FBXL7: variants seen among roughly 807,000 people sequenced by gnomAD.
The protein encoded by FBXL7 is F-box and leucine rich repeat protein 7, also known as F-box/LRR-repeat protein 7.
FBXL7 carries 12 observed loss-of-function variants against 38.3 expected under a neutral mutation model. The ratio of observed to expected loss-of-function variants is 0.31; its 90% CI spans 0.20 to 0.51. The LOEUF (loss-of-function observed/expected upper bound fraction) is 0.51, where lower values mean the gene tolerates loss of function less well. Ranked by LOEUF, FBXL7 falls within the 20% of genes least tolerant of loss-of-function variation. The pLI is 0.98. For missense variants in FBXL7, 567 were observed against 676.4 expected (o/e 0.84, Z 1.79); for synonymous variants, 297 against 300.9 (o/e 0.99, Z 0.13).
chr5:15,787,025 AG>A, intron 2 of FBXL7, among the ~76,000 whole-genome samples: 1 of 152,336 alleles, frequency 6.6e-6, no homozygotes, highest in Admixed American at 6.5e-5. Context: ...GGCAGAGATC[AG>A]AGTGATGCAG....
intron 1 of FBXL7, among the ~76,000 whole-genome samples, chr5:15,543,407 G>T (rs774823377): frequency 6.6e-6 from 1 of 152,270 alleles, no homozygotes; most frequent in South Asian, 2.1e-4. Flanking sequence ...CACCCTTGAC[G>T]CTTGGGGATT....
intron 1 of FBXL7, among the ~76,000 whole-genome samples, chr5:15,600,818 G>A (rs1217999017): frequency 6.6e-6 from 1 of 152,136 alleles, no homozygotes; most frequent in Non-Finnish European, 1.5e-5. Flanking sequence ...AGGTAAATAT[G>A]CTTTGTATGA....
chr5:15,802,194 C>T (rs149315643), intron 2 of FBXL7, among the ~76,000 whole-genome samples: 1 of 152,220 alleles, frequency 6.6e-6, no homozygotes, highest in African/African-American at 2.4e-5. Flanking sequence ...ACCATCATCC[C>T]TTCCCTCCTT....
At chr5:15,679,050 C>T (rs1485913879) in intron 2 of FBXL7, among the ~76,000 whole-genome samples, 3 of 152,190 alleles carry the variant, frequency 2.0e-5, no homozygotes. Context: ...TCTGCAGACT[C>T]TCTGCCACCA....
chr5:15,695,260 C>T lies in FBXL7; in HGVS notation c.127+79188C>T, dbSNP rs55933315. ...TAAAGCATGAATAGGAATCCTCCCC[C>T]AAAACAGCTCCCTGTGTCAGACCCT... On this transcript the variant is annotated intron_variant, in intron 2 of 3. Transcript: ENST00000504595. Among the ~76,000 whole-genome samples, 944 of 152,130 alleles carry T rather than the reference C, an allele frequency of 6.2e-3. 4 individuals are homozygous for T. Among genetic ancestry groups the T allele is most frequent in the Middle Eastern group, 0.051 (15 of 294 alleles).
At chr5:15,553,601 A>G (rs762018837) in intron 1 of FBXL7, among the ~76,000 whole-genome samples, 56 of 152,236 alleles carry the variant, frequency 3.7e-4, no homozygotes, top group Non-Finnish European at 7.3e-4. Flanking sequence ...GTCTTCATTA[A>G]CAAATGAATA....
At chr5:15,778,181 T>C (rs371916089) in intron 2 of FBXL7, among the ~76,000 whole-genome samples, 3 of 152,102 alleles carry the variant, frequency 2.0e-5, no homozygotes, top group Non-Finnish European at 2.9e-5. Context: ...TTCTCTATAA[T>C]AAGGTATCAT....
chr5:15,854,732 T>C (rs435109), intron 2 of FBXL7, among the ~76,000 whole-genome samples: 81,088 of 151,922 alleles, frequency 0.53, 22,903 homozygotes, highest in Non-Finnish European at 0.64. Context: ...CTGAAGCGAG[T>C]GACAAACATC....
intron 1 of FBXL7, among the ~76,000 whole-genome samples, chr5:15,557,654 T>G (rs1461459657): frequency 6.6e-6 from 1 of 152,198 alleles, no homozygotes; most frequent in Non-Finnish European, 1.5e-5. Flanking sequence ...GCCTGAAGAC[T>G]GCAGAGATAA....
At chr5:15,840,895 AAT>A (rs2126783435) in intron 2 of FBXL7, among the ~76,000 whole-genome samples, 1 of 151,952 alleles carries the variant, frequency 6.6e-6, no homozygotes, top group East Asian at 1.9e-4. Context: ...AACATTTTGT[AAT>A]ATTTTTGATA....
intron 2 of FBXL7, among the ~76,000 whole-genome samples, chr5:15,668,814 G>T (rs889085426): frequency 1.3e-5 from 2 of 152,092 alleles, no homozygotes; most frequent in African/African-American, 4.8e-5. Flanking sequence ...AGGTCAGGAG[G>T]TATCCTTCAT....
Position 15,928,042 on chromosome 5 carries a change from A to ACCCCCCCCCCCCC in FBXL7, c.283_284insCCCCCCCCCCCCC (p.Arg95ProfsTer142). ...GGCCATGGTGCACTCCCCGCCCCCG[A>ACCCCCCCCCCCCC]CCCGCCTCACACACCCGCTCATCCG... is the stretch of plus-strand genomic sequence containing the variant. On this transcript the variant is annotated frameshift_variant, in exon 3 of 4. Coordinates refer to ENST00000504595, the MANE Select transcript of FBXL7 (RefSeq NM_012304.5). LOFTEE classifies it high-confidence loss of function. The surrounding 1 kb of genome is among the most constrained non-coding windows in gnomAD (Gnocchi z 4.0). 1.0e-5 allele frequency: 4 copies of ACCCCCCCCCCCCC among 386,346 alleles called. No individual in the cohort carries two copies. Among genetic ancestry groups the ACCCCCCCCCCCCC allele is most frequent in the South Asian group, 2.2e-5 (1 of 45,924 alleles). 23.9% of individuals were successfully genotyped at this position (386,346 alleles called of 1,614,324 possible).
At chr5:15,681,514 T>C (rs1399554291) in intron 2 of FBXL7, among the ~76,000 whole-genome samples, 1 of 152,180 alleles carries the variant, frequency 6.6e-6, no homozygotes, top group African/African-American at 2.4e-5. Flanking sequence ...CTCACATGCA[T>C]AGATTAGAGA....
At chr5:15,646,771 A>C (rs191330064) in intron 2 of FBXL7, among the ~76,000 whole-genome samples, 2 of 152,364 alleles carry the variant, frequency 1.3e-5, no homozygotes, top group East Asian at 3.9e-4. Flanking sequence ...GTTCTGGACT[A>C]TATGAGTCTC....
intron 2 of FBXL7, among the ~76,000 whole-genome samples, chr5:15,731,447 C>G (rs899425953): frequency 6.6e-6 from 1 of 152,250 alleles, no homozygotes; most frequent in Non-Finnish European, 1.5e-5. Context: ...GGAAAGACCG[C>G]CCCCCATGAT....
At chr5:15,687,398 C>T (rs1181495531) in intron 2 of FBXL7, among the ~76,000 whole-genome samples, 1 of 152,194 alleles carries the variant, frequency 6.6e-6, no homozygotes, top group Non-Finnish European at 1.5e-5. Context: ...GCTCACTCCC[C>T]ACTTAGAACC....
chr5:15,886,535 G>T (rs1740686426), intron 2 of FBXL7, among the ~76,000 whole-genome samples: 1 of 152,134 alleles, frequency 6.6e-6, no homozygotes, highest in African/African-American at 2.4e-5. Flanking sequence ...ATGTTGCTTA[G>T]TGCATCCCCA....
intron 1 of FBXL7, among the ~76,000 whole-genome samples, chr5:15,572,753 C>T (rs913112537): frequency 1.2e-4 from 19 of 152,228 alleles, no homozygotes; most frequent in African/African-American, 4.6e-4. Flanking sequence ...AGGAAGAGGA[C>T]CTGGAGGCTG....
At chr5:15,662,705 A>G (rs756654137) in intron 2 of FBXL7, among the ~76,000 whole-genome samples, 6 of 152,130 alleles carry the variant, frequency 3.9e-5, no homozygotes, top group Non-Finnish European at 7.4e-5. Context: ...ACCAGCTTCA[A>G]TCTTCTGCAT....
Sources: gnomAD v4.1 joint callset for allele counts (sites outside exome capture counted in the v4.1 genomes callset) on GRCh38, gnomAD v4.1.1 for gene constraint, Gnocchi (gnomAD v3.1) non-coding constraint, MANE v1.5 for transcripts, NCBI Gene and HGNC (gene_info 2026-07-23, HGNC 2026-07-21) for gene names.